The following CADM2 variants were observed in gnomAD, a reference collection of about 807,000 sequenced individuals.
CADM2 encodes the protein cell adhesion molecule 2.
A neutral mutation model predicts 49.8 loss-of-function variants in CADM2; 12 were observed. That is an observed-to-expected ratio of 0.24 (90% confidence interval 0.15 to 0.39). CADM2 has a LOEUF of 0.39. Among genes scored for constraint, CADM2 ranks in the 10% least tolerant of loss-of-function variants. The pLI is 1.00. For synonymous variants in CADM2, 214 were observed against 175.4 expected (o/e 1.22, Z -1.74); for missense variants, 378 against 492.3 (o/e 0.77, Z 2.20).
intron 8 of CADM2, chr3:86,014,634 A>C: frequency 6.3e-7 from 1 of 1,585,542 alleles, no homozygotes; most frequent in Admixed American, 1.7e-5. Context: ...ACAGCACCTC[A>C]AAGCTCTTAA....
At chr3:85,536,964 G>A (rs984622859) in intron 1 of CADM2, among the ~76,000 whole-genome samples, 3 of 151,800 alleles carry the variant, frequency 2.0e-5, no homozygotes, top group Non-Finnish European at 4.4e-5. Context: ...AAAAAAAATA[G>A]GATTTGATTT....
intron 1 of CADM2, among the ~76,000 whole-genome samples, chr3:85,093,447 G>T (rs1172682557): frequency 2.1e-5 from 3 of 144,992 alleles, no homozygotes; most frequent in African/African-American, 7.7e-5. Flanking sequence ...AACACGGGAG[G>T]TGGAGGTTGC....
chr3:85,218,721 G>A (rs1364750358), intron 1 of CADM2, among the ~76,000 whole-genome samples: 1 of 152,124 alleles, frequency 6.6e-6, no homozygotes, highest in Non-Finnish European at 1.5e-5. Context: ...ACTTGAACTC[G>A]GGAGGCAGAG....
At chr3:85,840,094 C>T (rs1246539798) in intron 3 of CADM2, among the ~76,000 whole-genome samples, 1 of 151,810 alleles carries the variant, frequency 6.6e-6, no homozygotes, top group African/African-American at 2.4e-5. Context: ...CAACATGCGT[C>T]CTTTTTTGAC....
chr3:86,016,611 C>G (rs779830843), intron 8 of CADM2, among the ~76,000 whole-genome samples: 1 of 152,058 alleles, frequency 6.6e-6, no homozygotes, highest in Non-Finnish European at 1.5e-5. Context: ...TCCTTCTCTG[C>G]GGAAGTTTCA....
chr3:85,125,051 C>T (rs893217677), intron 1 of CADM2, among the ~76,000 whole-genome samples: 2 of 152,090 alleles, frequency 1.3e-5, no homozygotes, highest in Non-Finnish European at 2.9e-5. Flanking sequence ...CAGGAAGAAG[C>T]CTGTCTAAAA....
chr3:85,659,081 A>AATAATAATT (rs1447259022), intron 1 of CADM2, among the ~76,000 whole-genome samples: 2 of 148,978 alleles, frequency 1.3e-5, no homozygotes, highest in African/African-American at 2.5e-5. Context: ...TAATAATAAT[A>AATAATAATT]ATAACAATAA....
In CADM2 at chr3:85,999,575, AAGGAAGGGAGGGAGGGAG is replaced by A. The variant is rs1290675770; in HGVS notation, c.970+37932_970+37949del. 2.0e-5 allele frequency among the ~76,000 whole-genome samples: 3 copies of A among 146,360 alleles called. No individual in the cohort carries two copies. The East Asian group carries it at 6.7e-4, about 33-fold the overall frequency. ...GAAGGAAGGCAGGAAGGCAGGAAGG[AAGGAAGGGAGGGAGGGAG>A]AGGGAGGGAGGGAAAGAGAGAAAGA... On this transcript the variant is annotated intron_variant, in intron 8 of 9. Coordinates refer to ENST00000383699, the MANE Select transcript of CADM2 (RefSeq NM_001167675.2).
At chr3:85,773,100 C>T (rs1412868334) in intron 2 of CADM2, among the ~76,000 whole-genome samples, 1 of 151,732 alleles carries the variant, frequency 6.6e-6, no homozygotes, top group African/African-American at 2.4e-5. Flanking sequence ...GGCCTCTTCC[C>T]CAAAGAAATT....
intron 2 of CADM2, among the ~76,000 whole-genome samples, chr3:85,733,791 A>T (rs2068026674): frequency 6.6e-6 from 1 of 152,132 alleles, no homozygotes; most frequent in African/African-American, 2.4e-5. Flanking sequence ...TTCTGTCTAA[A>T]CACATCTCAT....
intron 5 of CADM2, among the ~76,000 whole-genome samples, chr3:85,898,334 A>G (rs1028069202): frequency 2.6e-5 from 4 of 152,052 alleles, no homozygotes; most frequent in Admixed American, 6.6e-5. Context: ...AAATTTTGCA[A>G]TTTATTAAGT....
At chr3:85,356,811 C>T (rs994438524) in intron 1 of CADM2, among the ~76,000 whole-genome samples, 2 of 151,876 alleles carry the variant, frequency 1.3e-5, no homozygotes, top group African/African-American at 2.4e-5. Flanking sequence ...TAAAGCAGCA[C>T]CTGGAAGTTT....
intron 1 of CADM2, among the ~76,000 whole-genome samples, chr3:85,014,736 T>G (rs73843266): frequency 0.021 from 3,201 of 152,282 alleles, 126 homozygotes; most frequent in African/African-American, 0.073. Context: ...TTTGAAAGGC[T>G]TCAGTCTGTC....
chr3:85,174,087 C>A (rs192445604), intron 1 of CADM2, among the ~76,000 whole-genome samples: 195 of 152,202 alleles, frequency 1.3e-3, no homozygotes, highest in African/African-American at 4.2e-3. Flanking sequence ...GCACAGTGGG[C>A]TCACTCTGTT....
At chr3:85,065,296 C>A (rs2036487659) in intron 1 of CADM2, among the ~76,000 whole-genome samples, 1 of 151,984 alleles carries the variant, frequency 6.6e-6, no homozygotes, top group Non-Finnish European at 1.5e-5. Flanking sequence ...CAATTATTTT[C>A]TATTATGAAT....
intron 1 of CADM2, among the ~76,000 whole-genome samples, chr3:85,309,758 G>C (rs1179123402): frequency 6.6e-6 from 1 of 152,038 alleles, no homozygotes; most frequent in Non-Finnish European, 1.5e-5. Flanking sequence ...CTGTAGATTC[G>C]CTAGGCTTTA....
intron 1 of CADM2, among the ~76,000 whole-genome samples, chr3:85,320,766 C>G (rs968736725): frequency 3.9e-5 from 6 of 151,956 alleles, no homozygotes; most frequent in Non-Finnish European, 7.4e-5. Context: ...TCTGTAACTT[C>G]CTTTTGGGGT....
chr3:85,733,597 CTCTT>C (rs548793826), intron 2 of CADM2, among the ~76,000 whole-genome samples: 49 of 152,182 alleles, frequency 3.2e-4, no homozygotes, highest in Middle Eastern at 3.4e-3. Flanking sequence ...TTCTCCATCT[CTCTT>C]TGTTTCTTGA....
chr3:85,602,326 C>T (rs549841068), intron 1 of CADM2, among the ~76,000 whole-genome samples: 4 of 151,686 alleles, frequency 2.6e-5, no homozygotes, highest in Middle Eastern at 6.8e-3. Context: ...ACTTTAGGAC[C>T]AAAATTAACT....
Sources: allele counts gnomAD v4.1 joint callset (sites outside exome capture counted in the v4.1 genomes callset), GRCh38; gene constraint gnomAD v4.1.1; transcripts MANE v1.5; gene names NCBI Gene and HGNC (gene_info 2026-07-23, HGNC 2026-07-21).